Variants in PTPRC observed in about 807,000 individuals in gnomAD.
PTPRC encodes the protein protein tyrosine phosphatase receptor type C.
A neutral mutation model predicts 155.9 loss-of-function variants in PTPRC; 44 were observed. The ratio of observed to expected loss-of-function variants is 0.28; its 90% CI spans 0.22 to 0.36. The LOEUF is 0.36. PTPRC is among the 10% of genes least tolerant of loss of function. The probability of loss-of-function intolerance (pLI) is 1.00; values close to 1 mark genes in which losing one functional copy is unlikely to be tolerated. For synonymous variants in PTPRC, 525 were observed against 533.1 expected (o/e 0.98, Z 0.21); for missense variants, 1,401 against 1,564.6 (o/e 0.90, Z 1.76).
intron 2 of PTPRC, among the ~76,000 whole-genome samples, chr1:198,639,679 G>T (rs6670551): frequency 0.11 from 16,741 of 151,962 alleles, 1,436 homozygotes; most frequent in African/African-American, 0.22. Flanking sequence ...AAAAGCCTGA[G>T]AATTTTTTAA....
chr1:198,658,403 A>G (rs969769351), intron 2 of PTPRC, among the ~76,000 whole-genome samples: 2 of 152,310 alleles, frequency 1.3e-5, no homozygotes, highest in East Asian at 3.9e-4. Context: ...TTTCTTATAC[A>G]AGGAGGGAAT....
intron 26 of PTPRC, among the ~76,000 whole-genome samples, chr1:198,744,851 G>A (rs1463023329): frequency 6.6e-6 from 1 of 151,654 alleles, no homozygotes; most frequent in African/African-American, 2.4e-5. Flanking sequence ...AGTTTCTAAA[G>A]ACCAGGAGTG....
chr1:198,688,721 T>C (rs3767745), intron 2 of PTPRC, among the ~76,000 whole-genome samples: 15,661 of 152,268 alleles, frequency 0.1, 974 homozygotes, highest in East Asian at 0.19. Context: ...ATGATTAAGA[T>C]GCATTTTTAC....
Position 198,754,608 on chromosome 1 carries a change from G to A in PTPRC, c.3645+204G>A, listed in dbSNP as rs17670451. Among the ~76,000 whole-genome samples, 8,138 of 150,234 alleles carry A rather than the reference G, an allele frequency of 0.054. 310 individuals are homozygous for A. The highest frequency in any genetic ancestry group is 0.096 in the Middle Eastern group (28 of 292). ...ATTAAATTATTATAAGTCTAAATAAGAGCCTAAAGTTTACTAGCACTTTGT... is the reference window on the plus strand; with the variant it reads ...ATTAAATTATTATAAGTCTAAATAAAAGCCTAAAGTTTACTAGCACTTTGT... On this transcript the variant is annotated intron_variant, in intron 32 of 32. Coordinates refer to ENST00000442510, the MANE Select transcript of PTPRC (RefSeq NM_002838.5).
chr1:198,736,145 G>A (rs1055202450), intron 23 of PTPRC, among the ~76,000 whole-genome samples: 3 of 151,436 alleles, frequency 2.0e-5, no homozygotes, highest in Admixed American at 6.6e-5. Flanking sequence ...AGGGTAAATG[G>A]GGCATCCATC....
In PTPRC at chr1:198,692,387, T is replaced by C. The variant is rs775501831; in HGVS notation, c.100+14T>C. On this transcript the variant is annotated intron_variant, in intron 3 of 32. Coordinates refer to ENST00000442510, the MANE Select transcript of PTPRC (RefSeq NM_002838.5). ...CTTCCCCCACTGGTAAGAATTAATATTTATATTTTTACTAATTTTATTTTC... is the reference window on the plus strand; with the variant it reads ...CTTCCCCCACTGGTAAGAATTAATACTTATATTTTTACTAATTTTATTTTC... 5.0e-6 allele frequency: 7 copies of C among 1,411,564 alleles called. No homozygotes were observed. The highest frequency in any genetic ancestry group is 6.5e-6 in the Non-Finnish European group (7 of 1,068,816). The allele number at this position is 1,411,564 out of a possible 1,614,324, so 87.4% of individuals were successfully genotyped here. A position where few individuals can be genotyped will look rare whatever the true frequency, so the allele number is the denominator to read the frequency against.
chr1:198,729,959 G>T (rs1571876543), intron 17 of PTPRC, among the ~76,000 whole-genome samples: 1 of 152,132 alleles, frequency 6.6e-6, no homozygotes, highest in Non-Finnish European at 1.5e-5. Flanking sequence ...TCAAGTCCCT[G>T]CCAGGGTGGA....
chr1:198,692,406 T>G lies in PTPRC; in HGVS notation c.100+33T>G, dbSNP rs777160288. 1.0e-5 allele frequency: 14 copies of G among 1,347,784 alleles called. 1 individual carries two copies. The highest frequency in any genetic ancestry group is 8.9e-5 in the South Asian group (5 of 55,994). The allele number at this position is 1,347,784 out of a possible 1,614,324, so 83.5% of individuals were successfully genotyped here. ...TTAATATTTATATTTTTACTAATTT[T>G]ATTTTCTTGTTGCAAAGTTTATATA... On this transcript the variant is annotated intron_variant, in intron 3 of 32. Coordinates refer to ENST00000442510, the MANE Select transcript of PTPRC (RefSeq NM_002838.5).
intron 2 of PTPRC, among the ~76,000 whole-genome samples, chr1:198,656,965 T>C (rs1343758310): frequency 6.6e-6 from 1 of 151,468 alleles, no homozygotes; most frequent in Non-Finnish European, 1.5e-5. Context: ...TAAAACGAAA[T>C]ATCTACTTGT....
chr1:198,724,022 C>T (rs1654014199), intron 15 of PTPRC, among the ~76,000 whole-genome samples: 1 of 152,080 alleles, frequency 6.6e-6, no homozygotes, highest in African/African-American at 2.4e-5. Context: ...TATAGCACTC[C>T]CTGTTCAGGT....
Position 198,712,940 on chromosome 1 carries a change from A to C in PTPRC, c.1172-13A>C. 1 of 1,608,346 alleles carries C rather than the reference A, an allele frequency of 6.2e-7. No individual in the cohort carries two copies. Among genetic ancestry groups the C allele is most frequent in the Non-Finnish European group, 8.5e-7 (1 of 1,174,862 alleles). On this transcript the variant is annotated splice_polypyrimidine_tract_variant and intron_variant, in intron 11 of 32. Coordinates refer to ENST00000442510, the MANE Select transcript of PTPRC (RefSeq NM_002838.5). ...ATTTTTCATATTACATAACATTCTT[A>C]TTCTTTTAACAGGTCCAGGAGAGCC... is the stretch of plus-strand genomic sequence containing the variant.
At chr1:198,694,232 A>T in intron 3 of PTPRC, 1 of 1,248,834 alleles carries the variant, frequency 8.0e-7, no homozygotes, top group Non-Finnish European at 1.0e-6. Flanking sequence ...AGACCAGAAG[A>T]CTCAGCAAGC....
chr1:198,696,180 A>ATATG (rs1230494075), intron 3 of PTPRC, among the ~76,000 whole-genome samples: 1 of 148,266 alleles, frequency 6.7e-6, no homozygotes, highest in African/African-American at 2.5e-5. Context: ...ATATATATAT[A>ATATG]TATATAGATA....
At position 198,748,210 on chromosome 1, in the gene PTPRC, TA is replaced by T. The variant is rs749490514; in HGVS notation, c.2938+12del. ...CTAATGTCATCCCATGTATGTAGTT[TA>T]TTTTTTTATTTTTTGTATCAGATAA... On this transcript the variant is annotated intron_variant, in intron 27 of 32. Coordinates refer to ENST00000442510, the MANE Select transcript of PTPRC (RefSeq NM_002838.5). The T allele has an allele frequency of 3.1e-6, 5 of 1,593,864 alleles. No homozygotes were observed. The highest frequency in any genetic ancestry group is 1.1e-5 in the South Asian group (1 of 88,208).
At chr1:198,748,842 A>T (rs533449087) in intron 27 of PTPRC, among the ~76,000 whole-genome samples, 21 of 151,776 alleles carry the variant, frequency 1.4e-4, no homozygotes, top group Non-Finnish European at 2.7e-4. Flanking sequence ...TGCATGGTTG[A>T]CCTAGTTAAT....
chr1:198,660,567 G>A (rs962606392), intron 2 of PTPRC: 2 of 151,656 alleles, frequency 1.3e-5, no homozygotes, highest in African/African-American at 4.8e-5. Flanking sequence ...AGGTTATGAG[G>A]TTGTCATCTG....
chr1:198,735,274 T>G, intron 23 of PTPRC, 22 bp downstream of exon 23: 2 of 1,574,802 alleles, frequency 1.3e-6, no homozygotes, highest in Non-Finnish European at 1.7e-6. Flanking sequence ...TTTTACATAA[T>G]TTTTGTTTTG....
intron 3 of PTPRC, chr1:198,693,120 C>A: frequency 1.0e-6 from 1 of 955,380 alleles, no homozygotes; most frequent in Non-Finnish European, 1.2e-6. Context: ...TGGTAATGCA[C>A]AATTCCAACT....
intron 2 of PTPRC, among the ~76,000 whole-genome samples, chr1:198,675,299 G>T (rs1664889512): frequency 6.6e-6 from 1 of 151,932 alleles, no homozygotes; most frequent in Non-Finnish European, 1.5e-5. Context: ...GTTTGTTGAG[G>T]GAGGTAATAG....
Sources: gnomAD v4.1 joint callset for allele counts (sites outside exome capture counted in the v4.1 genomes callset) on GRCh38, gnomAD v4.1.1 for gene constraint, MANE v1.5 for transcripts, NCBI Gene and HGNC (gene_info 2026-07-23, HGNC 2026-07-21) for gene names.